Variants in VOPP1 observed in about 807,000 individuals in gnomAD.
VOPP1 encodes WW domain binding protein VOPP1.
VOPP1 carries 8 observed loss-of-function variants against 23.5 expected under a neutral mutation model. That is an observed-to-expected ratio of 0.34 (90% CI 0.20 to 0.61). The LOEUF (loss-of-function observed/expected upper bound fraction) is 0.61, where lower values mean the gene tolerates loss of function less well. VOPP1 is among the 20% of genes least tolerant of loss of function. The probability of loss-of-function intolerance (pLI) is 0.78; values close to 1 mark genes in which losing one functional copy is unlikely to be tolerated. For missense variants in VOPP1, 174 were observed against 238.1 expected (o/e 0.73, Z 1.77); for synonymous variants, 83 against 97.3 (o/e 0.85, Z 0.86).
chr7:55,453,860 GTACAA>G (rs1190128738), intron 4 of VOPP1, among the ~76,000 whole-genome samples: 1 of 152,118 alleles, frequency 6.6e-6, no homozygotes, highest in Non-Finnish European at 1.5e-5. Context: ...ATAAAGCGAA[GTACAA>G]TAAAGTGTGC....
At chr7:55,528,825 C>G (rs879622107) in intron 1 of VOPP1, among the ~76,000 whole-genome samples, 2 of 152,054 alleles carry the variant, frequency 1.3e-5, no homozygotes, top group Non-Finnish European at 2.9e-5. Flanking sequence ...CAAACAAATA[C>G]AGAGTCAGCA....
intron 1 of VOPP1, chr7:55,537,654 G>A (rs1584069849): frequency 2.0e-6 from 3 of 1,511,918 alleles, no homozygotes; most frequent in Non-Finnish European, 2.6e-6. Context: ...GGCGCCCGCA[G>A]ACCCTGCAGT....
intron 2 of VOPP1, among the ~76,000 whole-genome samples, chr7:55,511,223 C>G (rs1795050592): frequency 6.6e-6 from 1 of 152,176 alleles, no homozygotes; most frequent in Non-Finnish European, 1.5e-5. Context: ...CTGGCGGGGA[C>G]AGTTTGAAAC....
intron 1 of VOPP1, among the ~76,000 whole-genome samples, chr7:55,569,370 T>C (rs1798272494): frequency 6.6e-6 from 1 of 152,164 alleles, no homozygotes; most frequent in South Asian, 2.1e-4. Flanking sequence ...ATGGTCTTTC[T>C]AAGGAAGGGT....
At chr7:55,549,906 CTT>C (rs1033271368) in intron 1 of VOPP1, among the ~76,000 whole-genome samples, 1 of 152,204 alleles carries the variant, frequency 6.6e-6, no homozygotes, top group Non-Finnish European at 1.5e-5. Flanking sequence ...TGGAAAAAGA[CTT>C]TTTCCCACCC....
At chr7:55,545,187 T>C (rs762816442) in intron 1 of VOPP1, among the ~76,000 whole-genome samples, 1 of 152,234 alleles carries the variant, frequency 6.6e-6, no homozygotes, top group Non-Finnish European at 1.5e-5. Context: ...TATACATATA[T>C]TACTTTATTT....
intron 4 of VOPP1, among the ~76,000 whole-genome samples, chr7:55,464,639 A>C (rs1791588275): frequency 6.6e-6 from 1 of 152,160 alleles, no homozygotes; most frequent in Non-Finnish European, 1.5e-5. Context: ...GAGTCCTGGG[A>C]ATCTGGCTAT....
chr7:55,442,844 C>T lies in VOPP1; in HGVS notation n.418-6670G>A, dbSNP rs140460900. Among the ~76,000 whole-genome samples, 439 of 152,206 alleles carry T rather than the reference C, an allele frequency of 2.9e-3. 2 individuals carry two copies. The highest frequency in any genetic ancestry group is 9.8e-3 in the African/African-American group (405 of 41,520). ...TGGAAAATAAAAAGCAGGCCGGGTG[C>T]GGTGGCTCATGCCTGTAATCCCAGC... is the stretch of plus-strand genomic sequence containing the variant. On this transcript the variant is annotated intron_variant and non_coding_transcript_variant, in intron 4 of 4. Transcript: ENST00000462326.
intron 4 of VOPP1, among the ~76,000 whole-genome samples, chr7:55,490,773 G>A (rs1793508003): frequency 1.3e-5 from 2 of 152,170 alleles, no homozygotes; most frequent in Non-Finnish European, 2.9e-5. Context: ...ATCCACTTAC[G>A]GATTCAAAAT....
At chr7:55,496,675 T>C (rs921063206) in intron 3 of VOPP1, among the ~76,000 whole-genome samples, 2 of 152,168 alleles carry the variant, frequency 1.3e-5, no homozygotes, top group East Asian at 1.9e-4. Flanking sequence ...CCACTCCCTA[T>C]AGGCTTCCCT....
At chr7:55,459,999 T>C (rs1791457620) in intron 4 of VOPP1, among the ~76,000 whole-genome samples, 1 of 152,188 alleles carries the variant, frequency 6.6e-6, no homozygotes. Flanking sequence ...TATAGGCATT[T>C]AGTGCTATAT....
At position 55,493,804 on chromosome 7, in the gene VOPP1, CAAG is replaced by C. The variant is rs149852367; in HGVS notation, c.192-1389_192-1387del. 3.4e-3 allele frequency among the ~76,000 whole-genome samples: 522 copies of C among 152,218 alleles called. 2 individuals are homozygous for C. Among genetic ancestry groups the C allele is most frequent in the Non-Finnish European group, 5.6e-3 (378 of 68,008 alleles). ...TGCTAAAAAAGAAAAATGAGCGATGCAAGAAGAATACTGTGTGTGTGATTGGGT... is the reference window on the plus strand; with the variant it reads ...TGCTAAAAAAGAAAAATGAGCGATGCAAGAATACTGTGTGTGTGATTGGGT... On this transcript the variant is annotated intron_variant, in intron 3 of 4. Transcript: ENST00000285279.
intron 2 of VOPP1, among the ~76,000 whole-genome samples, chr7:55,504,935 C>T (rs1383295355): frequency 6.6e-6 from 1 of 152,232 alleles, no homozygotes; most frequent in African/African-American, 2.4e-5. Context: ...CCAAGTTCTT[C>T]TCAGTAAGTT....
intron 1 of VOPP1, among the ~76,000 whole-genome samples, chr7:55,557,533 A>G (rs1436519844): frequency 2.6e-5 from 4 of 152,158 alleles, no homozygotes; most frequent in Admixed American, 2.6e-4. Context: ...TTATATTTCA[A>G]TCGTTGGCTT....
chr7:55,445,202 T>TACACACACAC, intron 4 of VOPP1, among the ~76,000 whole-genome samples: 1 of 144,162 alleles, frequency 6.9e-6, no homozygotes, highest in Non-Finnish European at 1.6e-5. Flanking sequence ...TCACTTTCTC[T>TACACACACAC]ACACACACAC....
At chr7:55,550,173 C>G (rs1054604473) in intron 1 of VOPP1, among the ~76,000 whole-genome samples, 2 of 152,238 alleles carry the variant, frequency 1.3e-5, no homozygotes, top group Non-Finnish European at 2.9e-5. Context: ...CTGGCAGAAT[C>G]CACTTCCTGG....
chr7:55,492,581 A>T (rs1015291270), intron 3 of VOPP1, among the ~76,000 whole-genome samples, 163 bp from the exon 4 acceptor site: 1 of 152,174 alleles, frequency 6.6e-6, no homozygotes, highest in Non-Finnish European at 1.5e-5. Context: ...CGCACCTCAG[A>T]CTTGGTCCTC....
intron 1 of VOPP1, among the ~76,000 whole-genome samples, chr7:55,547,304 T>TA (rs1797408827): frequency 6.6e-6 from 1 of 152,186 alleles, no homozygotes; most frequent in South Asian, 2.1e-4. Context: ...CCCCTGGGGC[T>TA]ACATGCATTC....
intron 1 of VOPP1, among the ~76,000 whole-genome samples, chr7:55,527,869 C>T (rs940658624): frequency 3.3e-5 from 5 of 151,848 alleles, no homozygotes; most frequent in Admixed American, 2.0e-4. Context: ...ATATAAATTA[C>T]AATAGTATGG....
Sources: gnomAD v4.1 joint callset for allele counts (sites outside exome capture counted in the v4.1 genomes callset) on GRCh38, gnomAD v4.1.1 for gene constraint, MANE v1.5 for transcripts, NCBI Gene and HGNC (gene_info 2026-07-23, HGNC 2026-07-21) for gene names.